Variants in NTNG1 observed in about 807,000 individuals in gnomAD.
NTNG1 encodes netrin-G1.
NTNG1 carries 16 observed loss-of-function variants against 54.0 expected under a neutral mutation model. The observed-to-expected ratio is 0.30, with a 90% confidence interval of 0.20 to 0.45. NTNG1 has a LOEUF of 0.45. NTNG1 is among the 20% of genes least tolerant of loss of function. NTNG1 has a pLI of 1.00. For missense variants in NTNG1, 530 were observed against 678.7 expected (o/e 0.78, Z 2.43); for synonymous variants, 255 against 263.1 (o/e 0.97, Z 0.30).
intron 3 of NTNG1, among the ~76,000 whole-genome samples, chr1:107,371,556 AAACAGAC>A (rs1223106914): frequency 6.6e-6 from 1 of 152,106 alleles, no homozygotes; most frequent in Non-Finnish European, 1.5e-5. Flanking sequence ...ACTCAAAAAG[AAACAGAC>A]AACTCAAAAA....
At position 107,324,471 on chromosome 1, in the gene NTNG1, G is replaced by A; in HGVS notation, c.436G>A (p.Asp146Asn). The change falls in exon 3 of 8, where the codon GAC (aspartate) becomes AAC (asparagine). Residue 146 changes from aspartate to asparagine, a missense_variant. Around this residue, in one of 2 missense-constraint regions of NTNG1, gnomAD observed 318 missense variants for 465.1 expected, o/e 0.68. Coordinates refer to ENST00000370068, the MANE Select transcript of NTNG1 (RefSeq NM_001113226.3). ...LSWSKTIELT[D>N]NIVITFESGR... ...TTGGAGCAAAACCATTGAGCTAACAGACAACATAGTTATTACCTTTGAATC... is the reference window on the plus strand; with the variant it reads ...TTGGAGCAAAACCATTGAGCTAACAAACAACATAGTTATTACCTTTGAATC... The A allele has an allele frequency of 1.2e-6, 2 of 1,613,794 alleles. No individual in the cohort carries two copies. Among genetic ancestry groups the A allele is most frequent in the South Asian group, 2.2e-5 (2 of 91,084 alleles).
At chr1:107,456,109 T>C (rs1208315199) in intron 7 of NTNG1, among the ~76,000 whole-genome samples, 1 of 152,038 alleles carries the variant, frequency 6.6e-6, no homozygotes, top group Non-Finnish European at 1.5e-5. Context: ...CAGAAAACCA[T>C]TACATGCCAA....
intron 2 of NTNG1, among the ~76,000 whole-genome samples, chr1:107,180,009 A>G (rs1183836022): frequency 6.6e-6 from 1 of 152,138 alleles, no homozygotes; most frequent in African/African-American, 2.4e-5. Context: ...AATTTGCCCA[A>G]TTAACTCAAG....
intron 2 of NTNG1, among the ~76,000 whole-genome samples, chr1:107,155,416 ATCTC>A (rs746410118): frequency 6.6e-6 from 1 of 151,242 alleles, no homozygotes; most frequent in Non-Finnish European, 1.5e-5. Flanking sequence ...CTCATGTTAA[ATCTC>A]TCTCTCTCTC....
At chr1:107,418,973 C>G (rs532597947) in intron 5 of NTNG1, among the ~76,000 whole-genome samples, 1 of 151,986 alleles carries the variant, frequency 6.6e-6, no homozygotes. Context: ...CACAGGCATC[C>G]TTTCAATGTC....
chr1:107,168,596 T>G (rs542187256), intron 2 of NTNG1, among the ~76,000 whole-genome samples: 3 of 152,176 alleles, frequency 2.0e-5, no homozygotes, highest in Non-Finnish European at 4.4e-5. Flanking sequence ...ATAAACCCAA[T>G]AGTAAATCTA....
intron 7 of NTNG1, among the ~76,000 whole-genome samples, chr1:107,478,760 C>G (rs952099860): frequency 6.6e-6 from 1 of 152,116 alleles, no homozygotes; most frequent in Non-Finnish European, 1.5e-5. Flanking sequence ...TCCATGTTGC[C>G]CCAATTAAAC....
At chr1:107,468,070 C>T (rs949207966) in intron 7 of NTNG1, among the ~76,000 whole-genome samples, 1 of 152,092 alleles carries the variant, frequency 6.6e-6, no homozygotes, top group Non-Finnish European at 1.5e-5. Context: ...GTTATGGTGA[C>T]AGCAAGGCCA....
In NTNG1 at chr1:107,417,087, T is replaced by G. The variant is rs612394; in HGVS notation, c.1087+9379T>G. ...TTAATTCAATATCTACCATTCAATA[T>G]CTACCCATCATCAAAATGCTCAAGT... is the stretch of plus-strand genomic sequence containing the variant. On this transcript the variant is annotated intron_variant, in intron 5 of 7. Coordinates refer to ENST00000370068, the MANE Select transcript of NTNG1 (RefSeq NM_001113226.3). Among the ~76,000 whole-genome samples, 1,144 of 152,204 alleles carry G rather than the reference T, an allele frequency of 7.5e-3. 14 individuals carry two copies. Among genetic ancestry groups the G allele is most frequent in the African/African-American group, 0.026 (1,093 of 41,560 alleles).
intron 2 of NTNG1, among the ~76,000 whole-genome samples, chr1:107,255,996 C>G (rs1375646153): frequency 2.0e-5 from 3 of 152,062 alleles, no homozygotes; most frequent in Admixed American, 2.0e-4. Context: ...AAGCTATTGT[C>G]TTAATTGTAA....
intron 2 of NTNG1, among the ~76,000 whole-genome samples, chr1:107,251,565 G>A (rs144466878): frequency 1.1e-4 from 16 of 152,228 alleles, no homozygotes; most frequent in Admixed American, 3.3e-4. Context: ...TCTAGCATCT[G>A]CTCTCTCTTT....
At chr1:107,227,941 C>T (rs1475999759) in intron 2 of NTNG1, among the ~76,000 whole-genome samples, 1 of 152,068 alleles carries the variant, frequency 6.6e-6, no homozygotes, top group Non-Finnish European at 1.5e-5. Context: ...TTACCTGAAA[C>T]CAGAATTAAA....
At chr1:107,195,207 A>T (rs937072631) in intron 2 of NTNG1, among the ~76,000 whole-genome samples, 1 of 151,884 alleles carries the variant, frequency 6.6e-6, no homozygotes, top group Non-Finnish European at 1.5e-5. Context: ...CAGTTTCTTG[A>T]TCTGTAAAAT....
chr1:107,223,502 T>C (rs1660486127), intron 2 of NTNG1, among the ~76,000 whole-genome samples: 1 of 152,112 alleles, frequency 6.6e-6, no homozygotes, highest in South Asian at 2.1e-4. Context: ...TAATAGAATA[T>C]TTAATGACAC....
chr1:107,320,962 G>C (rs1238141493), intron 2 of NTNG1, among the ~76,000 whole-genome samples: 2 of 152,050 alleles, frequency 1.3e-5, no homozygotes, highest in African/African-American at 4.8e-5. Flanking sequence ...ACTAAGAGTA[G>C]AGTCAAATGA....
At chr1:107,433,958 G>A (rs922014410) in intron 6 of NTNG1, among the ~76,000 whole-genome samples, 7 of 152,122 alleles carry the variant, frequency 4.6e-5, no homozygotes, top group East Asian at 1.9e-4. Flanking sequence ...TGTTAAATTC[G>A]AAAGGATACA....
At chr1:107,256,609 A>C (rs1180632691) in intron 2 of NTNG1, among the ~76,000 whole-genome samples, 2 of 152,186 alleles carry the variant, frequency 1.3e-5, no homozygotes, top group Non-Finnish European at 2.9e-5. Context: ...AGAAAGGAAG[A>C]GCTAAGGGGA....
chr1:107,173,360 C>T (rs1656397471), intron 2 of NTNG1, among the ~76,000 whole-genome samples: 1 of 152,026 alleles, frequency 6.6e-6, no homozygotes, highest in Admixed American at 6.6e-5. Context: ...ATTTCAAAGC[C>T]CTGGTGGAAG....
intron 2 of NTNG1, among the ~76,000 whole-genome samples, chr1:107,258,396 C>T (rs930022320): frequency 4.6e-5 from 7 of 151,130 alleles, no homozygotes; most frequent in African/African-American, 1.5e-4. Flanking sequence ...GACAAGTGAC[C>T]CCAAAAAACC....
Sources: gnomAD v4.1 joint callset for allele counts (sites outside exome capture counted in the v4.1 genomes callset) on GRCh38, gnomAD v4.1.1 for gene constraint, gnomAD v4.1.1 regional missense constraint, MANE v1.5 for transcripts, NCBI Gene and HGNC (gene_info 2026-07-23, HGNC 2026-07-21) for gene names.